Variants in ACTR1A observed in about 807,000 individuals in gnomAD.
ACTR1A encodes actin related protein 1A.
Under a neutral mutation model 50.7 loss-of-function variants are expected in ACTR1A, and 10 were observed. The ratio of observed to expected loss-of-function variants is 0.20; its 90% confidence interval spans 0.12 to 0.33. The LOEUF is 0.33. Ranked by LOEUF, ACTR1A falls within the 10% of genes least tolerant of loss-of-function variation. ACTR1A has a pLI of 1.00. For missense variants in ACTR1A, 253 were observed against 491.7 expected, an observed-to-expected ratio of 0.51 and a Z score of 4.59; for synonymous variants, 177 against 184.2, an observed-to-expected ratio of 0.96 and a Z score of 0.32.
In ACTR1A at chr10:102,482,782, A is replaced by AG. The variant is rs1455788433; in HGVS notation, c.750+228_750+229insC. ...AACACTAATGACAGCTGCTGAGCTA[A>AG]AAAAAAAAATTGCAAAAGAATCTCA... On this transcript the variant is annotated intron_variant, in intron 7 of 10. Coordinates refer to ENST00000369905, the MANE Select transcript of ACTR1A (RefSeq NM_005736.4). The surrounding 1 kb of genome is among the most constrained non-coding windows in gnomAD (Gnocchi z 5.6). 3.8e-6 allele frequency: 2 copies of AG among 529,294 alleles called. No homozygotes were observed. Among genetic ancestry groups the AG allele is most frequent in the Non-Finnish European group, 6.8e-6 (2 of 296,118 alleles). The allele number at this position is 529,294 out of a possible 1,614,324, so 32.8% of individuals were successfully genotyped here. A position where few individuals can be genotyped will look rare whatever the true frequency, so the allele number is the denominator to read the frequency against.
chr10:102,484,305 T>C lies in ACTR1A; in HGVS notation c.512A>G (p.Tyr171Cys). 2 of 1,614,164 alleles carry C rather than the reference T, an allele frequency of 1.2e-6. No homozygotes were observed. Among genetic ancestry groups the C allele is most frequent in the Non-Finnish European group, 1.7e-6 (2 of 1,180,024 alleles). ...GGAGTGGGGCATGGCAAAGCCCTCA[T>C]AGATGGGCACAGCATGGGTGACTCC... ...GDGVTHAVPI[Y>C]EGFAMPHSIM... The change falls in exon 6 of 11, where the codon TAT becomes TGT. Residue 171 changes from tyrosine to cysteine, a missense_variant. Tyr to Cys is a radical substitution (Grantham distance 194). Coordinates refer to ENST00000369905, the MANE Select transcript of ACTR1A (RefSeq NM_005736.4).
At chr10:102,492,314 C>A (rs2062198767) in intron 1 of ACTR1A, among the ~76,000 whole-genome samples, 1 of 152,032 alleles carries the variant, frequency 6.6e-6, no homozygotes, top group African/African-American at 2.4e-5. Flanking sequence ...TGTGATCCAC[C>A]TGCCTCGGCC....
chr10:102,491,130 G>A (rs1377584156), intron 1 of ACTR1A, among the ~76,000 whole-genome samples: 1 of 152,184 alleles, frequency 6.6e-6, no homozygotes, highest in Non-Finnish European at 1.5e-5. Flanking sequence ...CCGTATGTGT[G>A]ATTTTTCTGT....
At position 102,480,918 on chromosome 10, in the gene ACTR1A, G is replaced by C; in HGVS notation, c.1076C>G (p.Ser359Cys). 3 of 1,614,104 alleles carry C rather than the reference G, an allele frequency of 1.9e-6. No individual in the cohort carries two copies. Among genetic ancestry groups the C allele is most frequent in the Non-Finnish European group, 1.7e-6 (2 of 1,179,992 alleles). Residue 359 changes from serine (S) to cysteine (C), a missense_variant, in exon 11 of 11, where the codon TCC (serine) becomes TGC (cysteine). Coordinates refer to ENST00000369905, the MANE Select transcript of ACTR1A (RefSeq NM_005736.4). ...ACCGTCTTCCTCATATTCCTTTTTG[G>C]AGACCCACATCTTCTTAAAGGTGTC... is the stretch of plus-strand genomic sequence containing the variant. ...SLDTFKKMWV[S>C]KKEYEEDGAR... is the part of the protein sequence containing the mutation.
At chr10:102,500,552 G>C (rs949608627) in intron 1 of ACTR1A, among the ~76,000 whole-genome samples, 1 of 151,044 alleles carries the variant, frequency 6.6e-6, no homozygotes, top group Non-Finnish European at 1.5e-5. Flanking sequence ...CTGGGCGACA[G>C]TGAGACTCCG....
intron 4 of ACTR1A, among the ~76,000 whole-genome samples, chr10:102,487,911 G>A (rs2062176732): frequency 6.6e-6 from 1 of 152,136 alleles, no homozygotes; most frequent in Non-Finnish European, 1.5e-5. Context: ...GATTACAGGT[G>A]TGAGCCACCG....
chr10:102,502,491 C>A (rs1327605889), intron 1 of ACTR1A, 109 bp downstream of exon 1: 5 of 1,244,062 alleles, frequency 4.0e-6, no homozygotes, highest in Non-Finnish European at 5.9e-6. Flanking sequence ...ACGCGCCTGA[C>A]AGGCCGGGCC....
chr10:102,498,996 C>T (rs2062235111), intron 1 of ACTR1A, among the ~76,000 whole-genome samples: 1 of 152,132 alleles, frequency 6.6e-6, no homozygotes, highest in Admixed American at 6.5e-5. Context: ...CACACACCTA[C>T]CTGCCCCTCC....
chr10:102,482,984 A>T lies in ACTR1A; in HGVS notation c.750+27T>A, dbSNP rs1243866594. On this transcript the variant is annotated intron_variant, in intron 7 of 10. Coordinates refer to ENST00000369905, the MANE Select transcript of ACTR1A (RefSeq NM_005736.4). This position sits in a 1 kb window ranked among gnomAD's most constrained non-coding sequence, Gnocchi z 5.6. ...CCAGAGCTTTTGTGGACCTAAGGGG[A>T]CCGAAGAAAGAAGGCAGGCCACCTA... 6.3e-7 allele frequency: 1 copy of T among 1,576,698 alleles called. No individual in the cohort carries two copies. Among genetic ancestry groups the T allele is most frequent in the African/African-American group, 1.3e-5 (1 of 74,166 alleles).
intron 1 of ACTR1A, among the ~76,000 whole-genome samples, chr10:102,500,485 C>T (rs1457017906): frequency 6.6e-6 from 1 of 151,928 alleles, no homozygotes; most frequent in Non-Finnish European, 1.5e-5. Flanking sequence ...AGGAGAATGG[C>T]GTGAACCCGG....
At chr10:102,496,015 G>A (rs958384671) in intron 1 of ACTR1A, among the ~76,000 whole-genome samples, 1 of 151,642 alleles carries the variant, frequency 6.6e-6, no homozygotes, top group African/African-American at 2.4e-5. Flanking sequence ...GCGAGATCTC[G>A]GCTCACTGCA....
At chr10:102,498,635 A>ATT (rs762412530) in intron 1 of ACTR1A, among the ~76,000 whole-genome samples, 2 of 144,676 alleles carry the variant, frequency 1.4e-5, no homozygotes, top group South Asian at 2.2e-4. Flanking sequence ...AGCCTGGCTA[A>ATT]TTTTTTTTTT....
rs1161267171 is a variant in ACTR1A, at chr10:102,479,413, CA to C, written c.*1449del. 3.7e-5 allele frequency: 14 copies of C among 377,042 alleles called. No individual in the cohort carries two copies. Among genetic ancestry groups the C allele is most frequent in the Non-Finnish European group, 6.6e-5 (13 of 197,536 alleles). The allele number at this position is 377,042 out of a possible 1,614,324, so 23.4% of individuals were successfully genotyped here. On this transcript the variant is annotated 3_prime_UTR_variant, in exon 11 of 11. Coordinates refer to ENST00000369905, the MANE Select transcript of ACTR1A (RefSeq NM_005736.4). The surrounding 1 kb of genome is among the most constrained non-coding windows in gnomAD (Gnocchi z 4.0). ...ACCTGCTGCTGTGGCCCACACCTGGCAGGGGCCTTTGGTCATAGGACGGCGT... is the reference window on the plus strand; with the variant it reads ...ACCTGCTGCTGTGGCCCACACCTGGCGGGGCCTTTGGTCATAGGACGGCGT...
chr10:102,485,688 G>A lies in ACTR1A; in HGVS notation c.361C>T (p.Arg121Trp), dbSNP rs908877728. The A allele has an allele frequency of 1.2e-6, 2 of 1,613,956 alleles. No individual in the cohort carries two copies. Among genetic ancestry groups the A allele is most frequent in the Non-Finnish European group, 1.7e-6 (2 of 1,180,020 alleles). Residue 121 changes from arginine (R) to tryptophan (W), a missense_variant, in exon 5 of 11, where the codon CGG becomes TGG. Coordinates refer to ENST00000369905, the MANE Select transcript of ACTR1A (RefSeq NM_005736.4). The stretch of plus-strand genomic sequence containing the variant: ...AAGAAAACTTCGGCAGCTCGTTCCC[G>A]GTTTTTTCGTGGGTTTAAAGGCGCC... Reference protein sequence around the residue: ...TEAPLNPRKNRERAAEVFFET... With the variant: ...TEAPLNPRKNWERAAEVFFET...
At position 102,482,832 on chromosome 10, in the gene ACTR1A, T is replaced by TTTGTG; in HGVS notation, c.750+174_750+178dup. The TTTGTG allele has an allele frequency of 1.6e-6, 1 of 615,318 alleles. No homozygotes were observed. The highest frequency in any genetic ancestry group is 2.9e-6 in the Non-Finnish European group (1 of 345,054). The allele number at this position is 615,318 out of a possible 1,614,324, so 38.1% of individuals were successfully genotyped here. On this transcript the variant is annotated intron_variant, in intron 7 of 10. Transcript: ENST00000369905. The surrounding 1 kb of genome is among the most constrained non-coding windows in gnomAD (Gnocchi z 5.6). Reference sequence around the variant, plus strand: ...ATAATGTTTTAAGAAAGTTTACGACTTTGTGTTGGGCCTTACTGAAAGCCA... The same window carrying TTTGTG: ...ATAATGTTTTAAGAAAGTTTACGACTTTGTGTTGTGTTGGGCCTTACTGAAAGCCA...
At chr10:102,495,513 G>C (rs1204806906) in intron 1 of ACTR1A, among the ~76,000 whole-genome samples, 2 of 151,216 alleles carry the variant, frequency 1.3e-5, no homozygotes, top group Non-Finnish European at 2.9e-5. Context: ...AGCTTGTAGT[G>C]AGCAGACATT....
chr10:102,483,311 C>T, intron 6 of ACTR1A: 1 of 520,872 alleles, frequency 1.9e-6, no homozygotes, highest in Non-Finnish European at 3.4e-6. Context: ...CTTAACCGCT[C>T]CACCTTCCTG....
intron 5 of ACTR1A, among the ~76,000 whole-genome samples, 171 bp downstream of exon 5, chr10:102,485,438 A>C (rs1357299205): frequency 1.3e-5 from 2 of 152,190 alleles, no homozygotes; most frequent in Non-Finnish European, 2.9e-5. Flanking sequence ...TCAACTACGA[A>C]GCCTCAGTGC....
In ACTR1A at chr10:102,491,933, T is replaced by C. The variant is rs969445007; in HGVS notation, c.49-1320A>G. On this transcript the variant is annotated intron_variant, in intron 1 of 10. Transcript: ENST00000369905. ...GGTGCCCACCAGCATGCCTGGCTAA[T>C]TTTTTTTTTTTTTTTTTAGTAGAGA... 2.5e-4 allele frequency among the ~76,000 whole-genome samples: 15 copies of C among 59,384 alleles called. 2 individuals carry two copies. Among genetic ancestry groups the C allele is most frequent in the African/African-American group, 1.1e-3 (15 of 14,178 alleles). 39.0% of individuals were successfully genotyped at this position (59,384 alleles called of 152,430 possible).
Sources: allele counts gnomAD v4.1 joint callset (sites outside exome capture counted in the v4.1 genomes callset), GRCh38; gene constraint gnomAD v4.1.1; non-coding constraint Gnocchi (gnomAD v3.1); transcripts MANE v1.5; gene names NCBI Gene and HGNC (gene_info 2026-07-23, HGNC 2026-07-21).